BACH1: variants seen among roughly 807,000 people sequenced by gnomAD.
BACH1 encodes BTB domain and CNC homolog 1.
BACH1 carries 35 observed loss-of-function variants against 52.9 expected under a neutral mutation model. The ratio of observed to expected loss-of-function variants is 0.66; its 90% CI spans 0.51 to 0.88. BACH1 has a LOEUF of 0.88. BACH1 is among the 40% of genes least tolerant of loss of function. The probability of loss-of-function intolerance (pLI) is 0.00; values close to 1 mark genes in which losing one functional copy is unlikely to be tolerated. For synonymous variants in BACH1, 321 were observed against 319.6 expected, an observed-to-expected ratio of 1.00 and a Z score of -0.05; for missense variants, 808 against 872.6, an observed-to-expected ratio of 0.93 and a Z score of 0.93.
downstream of BACH1, among the ~76,000 whole-genome samples, chr21:29,349,050 C>T (rs764025646): frequency 1.3e-5 from 2 of 151,280 alleles, no homozygotes; most frequent in Non-Finnish European, 2.9e-5. Flanking sequence ...GCCGAGATAG[C>T]GCCACTGCTA....
rs377212534 is a variant in BACH1 at position 29,332,421 on chromosome 21, G to C, written c.1776+2728G>C. Among the ~76,000 whole-genome samples the C allele has an allele frequency of 5.3e-5, 8 of 152,168 alleles. No homozygotes were observed. The South Asian group carries it at 1.7e-3, about 32-fold the overall frequency. On this transcript the variant is annotated intron_variant, in intron 4 of 4. Transcript: ENST00000286800. The stretch of plus-strand genomic sequence containing the variant: ...ACAGTTTTTATGAAATCCAAAATCT[G>C]AATGGTCAGTATCCTGTTTAACTAT...
chr21:29,350,346 C>A (rs1458462988), downstream of BACH1, among the ~76,000 whole-genome samples: 2 of 152,118 alleles, frequency 1.3e-5, no homozygotes, highest in Non-Finnish European at 2.9e-5. Context: ...ATATTCCTTT[C>A]CTGAGCTATG....
chr21:29,329,786 C>A, intron 4 of BACH1, 93 bp downstream of exon 4: 1 of 922,604 alleles, frequency 1.1e-6, no homozygotes, highest in Non-Finnish European at 1.5e-6. Context: ...AGATATAATG[C>A]TCAATTACTT....
rs765308679 is a variant in BACH1 at position 29,326,905 on chromosome 21, T to C, written c.1081T>C (p.Phe361Leu). The change falls in exon 3 of 5, where the codon TTT becomes CTT. Residue 361 changes from phenylalanine (F) to leucine (L), a missense_variant. Physicochemically the swap from Phe to Leu is conservative, Grantham distance 22. Coordinates refer to ENST00000286800, the MANE Select transcript of BACH1 (RefSeq NM_001186.4). ...AGGTACAGACGTCCAAGAAAAAACA[T>C]TTGGTGAAAGTCAGGATTTACCTTT... Reference protein sequence around the residue: ...LSGTDVQEKTFGESQDLPLKS... With the variant: ...LSGTDVQEKTLGESQDLPLKS... The C allele has an allele frequency of 6.2e-7, 1 of 1,614,194 alleles. No homozygotes were observed. Among genetic ancestry groups the C allele is most frequent in the Non-Finnish European group, 8.5e-7 (1 of 1,180,040 alleles).
intron 2 of BACH1, among the ~76,000 whole-genome samples, chr21:29,357,226 G>A (rs2089240129): frequency 6.6e-6 from 1 of 152,184 alleles, no homozygotes; most frequent in African/African-American, 2.4e-5. Flanking sequence ...GGGGGAAGAG[G>A]CTTACTTTCA....
Position 29,326,905 on chromosome 21 carries a change from T to G in BACH1, c.1081T>G (p.Phe361Val). The change falls in exon 3 of 5, where the codon TTT becomes GTT. Residue 361 changes from phenylalanine (F) to valine (V), a missense_variant. Physicochemically the swap from Phe to Val is conservative, Grantham distance 50. Coordinates refer to ENST00000286800, the MANE Select transcript of BACH1 (RefSeq NM_001186.4). ...AGGTACAGACGTCCAAGAAAAAACA[T>G]TTGGTGAAAGTCAGGATTTACCTTT... Reference protein sequence around the residue: ...LSGTDVQEKTFGESQDLPLKS... With the variant: ...LSGTDVQEKTVGESQDLPLKS... 1.9e-6 allele frequency: 3 copies of G among 1,614,194 alleles called. No individual in the cohort carries two copies. The highest frequency in any genetic ancestry group is 2.5e-6 in the Non-Finnish European group (3 of 1,180,040).
At chr21:29,355,910 T>G (rs1446584678) in intron 2 of BACH1, among the ~76,000 whole-genome samples, 1 of 152,152 alleles carries the variant, frequency 6.6e-6, no homozygotes. Context: ...CCTGACTGAT[T>G]AGTGTAAAAA....
intron 1 of BACH1, among the ~76,000 whole-genome samples, chr21:29,315,505 G>A (rs143611406): frequency 2.1e-3 from 313 of 152,300 alleles, no homozygotes; most frequent in African/African-American, 5.7e-3. Context: ...CTAGAAATGC[G>A]AGAAGGCAGG....
Position 29,342,842 on chromosome 21 carries a change from T to G in BACH1, c.*9T>G. 4 of 1,563,992 alleles carry G rather than the reference T, an allele frequency of 2.6e-6. No individual in the cohort carries two copies. The highest frequency in any genetic ancestry group is 2.6e-6 in the Non-Finnish European group (3 of 1,151,434). On this transcript the variant is annotated 3_prime_UTR_variant, in exon 5 of 5. Coordinates refer to ENST00000286800, the MANE Select transcript of BACH1 (RefSeq NM_001186.4). ...GTACTACTGATGAGTAAACTTGCATTCACTTCCTTCAAACCATCTAATTTT... is the reference window on the plus strand; with the variant it reads ...GTACTACTGATGAGTAAACTTGCATGCACTTCCTTCAAACCATCTAATTTT...
chr21:29,350,098 T>C (rs1361217258), downstream of BACH1, among the ~76,000 whole-genome samples: 1 of 152,128 alleles, frequency 6.6e-6, no homozygotes, highest in Non-Finnish European at 1.5e-5. Context: ...GCTCACAGCC[T>C]GCTTTAAAAC....
At position 29,342,576 on chromosome 21, in the gene BACH1, A is replaced by G. The variant is rs1170320807; in HGVS notation, c.1954A>G (p.Ile652Val). 2.5e-6 allele frequency: 4 copies of G among 1,614,082 alleles called. No homozygotes were observed. Among genetic ancestry groups the G allele is most frequent in the Non-Finnish European group, 3.4e-6 (4 of 1,180,046 alleles). ...TGCAGATTGCCCACTTTCATTTTTA[A>G]TTTCTGAAAAAGATAAAAGTACTCC... is the stretch of plus-strand genomic sequence containing the variant. ...SAADCPLSFL[I>V]SEKDKSTPDG... The change falls in exon 5 of 5, where the codon ATT becomes GTT. Residue 652 changes from isoleucine (I) to valine (V), a missense_variant. Ile to Val is a conservative substitution (Grantham distance 29). Coordinates refer to ENST00000286800, the MANE Select transcript of BACH1 (RefSeq NM_001186.4).
chr21:29,327,862 G>A (rs1009993014), intron 3 of BACH1, among the ~76,000 whole-genome samples: 2 of 152,210 alleles, frequency 1.3e-5, no homozygotes, highest in Non-Finnish European at 2.9e-5. Flanking sequence ...CCAAAAGAGA[G>A]AGATGAAGTT....
chr21:29,350,108 C>T (rs1418423277), downstream of BACH1, among the ~76,000 whole-genome samples: 3 of 152,138 alleles, frequency 2.0e-5, no homozygotes, highest in Admixed American at 2.0e-4. Flanking sequence ...TGCTTTAAAA[C>T]CTCTTACCCA....
intron 4 of BACH1, among the ~76,000 whole-genome samples, chr21:29,333,211 A>G (rs569154576): frequency 1.2e-4 from 19 of 152,202 alleles, no homozygotes; most frequent in Non-Finnish European, 2.5e-4. Flanking sequence ...GACGTTTAAG[A>G]TAGTTATTAT....
intron 2 of BACH1, among the ~76,000 whole-genome samples, chr21:29,321,958 C>T (rs1023666728): frequency 2.6e-5 from 4 of 152,048 alleles, no homozygotes; most frequent in East Asian, 3.9e-4. Flanking sequence ...GAAGTTTAAT[C>T]GGCTCACAGT....
intron 3 of BACH1, among the ~76,000 whole-genome samples, chr21:29,328,044 A>G (rs2088935667): frequency 6.6e-6 from 1 of 152,232 alleles, no homozygotes; most frequent in African/African-American, 2.4e-5. Flanking sequence ...GGAAAAATGC[A>G]GCATATATTC....
At chr21:29,357,295 C>T (rs1167917907) in intron 2 of BACH1, among the ~76,000 whole-genome samples, 1 of 152,132 alleles carries the variant, frequency 6.6e-6, no homozygotes, top group African/African-American at 2.4e-5. Context: ...AGTGAACTTC[C>T]GTCGGTATAT....
At chr21:29,335,136 G>C (rs2089029700) in intron 4 of BACH1, among the ~76,000 whole-genome samples, 1 of 152,206 alleles carries the variant, frequency 6.6e-6, no homozygotes, top group African/African-American at 2.4e-5. Context: ...ATAGCACTGA[G>C]GTCAGACGGA....
rs777406609 is a variant in BACH1, at chr21:29,326,807, C to T, written c.983C>T (p.Thr328Ile). 1 of 1,614,146 alleles carries T rather than the reference C, an allele frequency of 6.2e-7. No homozygotes were observed. The highest frequency in any genetic ancestry group is 1.3e-5 in the African/African-American group (1 of 75,044). ...CTTTATTCTTTGTCTCTTTTACACA[C>T]ATATGACCAATATGGTGACTTGAAT... Reference protein sequence around the residue: ...HGLYSLSLLHTYDQYGDLNFA... With the variant: ...HGLYSLSLLHIYDQYGDLNFA... The change falls in exon 3 of 5, where the codon ACA (threonine) becomes ATA (isoleucine). Residue 328 changes from threonine (T) to isoleucine (I), a missense_variant. Transcript: ENST00000286800.
Sources: allele counts gnomAD v4.1 joint callset (sites outside exome capture counted in the v4.1 genomes callset), GRCh38; gene constraint gnomAD v4.1.1; transcripts MANE v1.5; gene names NCBI Gene and HGNC (gene_info 2026-07-23, HGNC 2026-07-21).